SOX5: variants seen among roughly 807,000 people sequenced by gnomAD.
The protein encoded by SOX5 is transcription factor SOX-5.
Under a neutral mutation model 92.0 loss-of-function variants are expected in SOX5, and 9 were observed. The observed-to-expected ratio is 0.10, with a 90% confidence interval of 0.06 to 0.17. SOX5 has a LOEUF of 0.17. Ranked by LOEUF, SOX5 falls within the 10% of genes least tolerant of loss-of-function variation. The pLI, the probability that SOX5 is intolerant of heterozygous loss-of-function variation, is 1.00. For missense variants in SOX5, 642 were observed against 944.5 expected (o/e 0.68, Z 4.20); for synonymous variants, 344 against 336.3 (o/e 1.02, Z -0.25).
intron 2 of SOX5, among the ~76,000 whole-genome samples, chr12:24,287,064 A>G (rs1945959524): frequency 6.6e-6 from 1 of 152,152 alleles, no homozygotes; most frequent in African/African-American, 2.4e-5. Flanking sequence ...AACTGAGACT[A>G]AATTATTCTA....
intron 1 of SOX5, among the ~76,000 whole-genome samples, chr12:24,413,812 A>AT (rs990824447): frequency 1.3e-5 from 2 of 152,038 alleles, no homozygotes; most frequent in East Asian, 1.9e-4. Context: ...TGCGTCAGTG[A>AT]TTTTTTTTCC....
At chr12:23,993,885 AT>A (rs1950784937) in intron 4 of SOX5, among the ~76,000 whole-genome samples, 1 of 151,696 alleles carries the variant, frequency 6.6e-6, no homozygotes. Flanking sequence ...GTATGTATGT[AT>A]GTATGTATGT....
At chr12:24,033,539 T>C (rs1161375962) in intron 4 of SOX5, among the ~76,000 whole-genome samples, 5 of 152,026 alleles carry the variant, frequency 3.3e-5, no homozygotes, top group Non-Finnish European at 5.9e-5. Flanking sequence ...AGTTCCATTT[T>C]GAGGACCAGA....
intron 1 of SOX5, among the ~76,000 whole-genome samples, chr12:24,478,544 A>G (rs756619112): frequency 2.0e-5 from 3 of 152,210 alleles, no homozygotes; most frequent in African/African-American, 4.8e-5. Context: ...CTCAAGCTCC[A>G]TTAATTCTAA....
intron 4 of SOX5, among the ~76,000 whole-genome samples, chr12:24,052,033 A>G (rs1018732263): frequency 5.9e-5 from 9 of 152,098 alleles, no homozygotes; most frequent in African/African-American, 2.2e-4. Context: ...CAATCCTCTT[A>G]GCTCTTCTCT....
chr12:24,386,340 C>G (rs1958411034), intron 1 of SOX5, among the ~76,000 whole-genome samples: 1 of 152,022 alleles, frequency 6.6e-6, no homozygotes, highest in African/African-American at 2.4e-5. Context: ...TTTTATTAAA[C>G]CCTACTAGGT....
intron 1 of SOX5, among the ~76,000 whole-genome samples, chr12:24,543,351 A>G (rs1406719415): frequency 6.6e-6 from 1 of 152,294 alleles, no homozygotes; most frequent in Non-Finnish European, 1.5e-5. Flanking sequence ...TAAGAAGTTA[A>G]GATTAATCAA....
At chr12:24,133,014 G>A (rs904110368) in intron 4 of SOX5, among the ~76,000 whole-genome samples, 4 of 152,096 alleles carry the variant, frequency 2.6e-5, no homozygotes, top group Non-Finnish European at 5.9e-5. Context: ...TATCCTTGGA[G>A]GTAAGATGAT....
intron 1 of SOX5, among the ~76,000 whole-genome samples, chr12:23,938,009 C>T (rs780735845): frequency 1.5e-4 from 23 of 150,536 alleles, no homozygotes; most frequent in South Asian, 8.3e-4. Flanking sequence ...TATTCATATT[C>T]AGCCTAGGTT....
At chr12:24,544,546 G>T (rs1952435356) in intron 1 of SOX5, among the ~76,000 whole-genome samples, 1 of 152,068 alleles carries the variant, frequency 6.6e-6, no homozygotes, top group Non-Finnish European at 1.5e-5. Context: ...GTTAATTGTG[G>T]GGAATTGCTA....
intron 6 of SOX5, among the ~76,000 whole-genome samples, chr12:23,730,137 G>T (rs919656075): frequency 6.6e-6 from 1 of 151,968 alleles, no homozygotes; most frequent in African/African-American, 2.4e-5. Flanking sequence ...TTAGAAACAG[G>T]TTGATTTAAT....
At position 23,532,167 on chromosome 12, in the gene SOX5, G is replaced by A. The variant is rs1419442486; in HGVS notation, c.*2052C>T. 2 of 151,480 alleles carry A rather than the reference G, an allele frequency of 1.3e-5. No individual in the cohort carries two copies. The highest frequency in any genetic ancestry group is 2.9e-5 in the Non-Finnish European group (2 of 67,914). 9.4% of individuals were successfully genotyped at this position (151,480 alleles called of 1,614,324 possible). ...ATTACAACACTAGCAAAAAGAGGCA[G>A]TTCAAATGTAAATAAAGTCATCAAA... On this transcript the variant is annotated 3_prime_UTR_variant, in exon 15 of 15. Transcript: ENST00000451604.
intron 1 of SOX5, among the ~76,000 whole-genome samples, chr12:24,520,233 T>A (rs147915137): frequency 0.016 from 2,499 of 152,124 alleles, 38 homozygotes; most frequent in Non-Finnish European, 0.027. Context: ...CATGAAGGCA[T>A]AAATCTAACA....
chr12:24,242,759 TTAG>T (rs1192231831), intron 3 of SOX5, among the ~76,000 whole-genome samples: 1 of 152,162 alleles, frequency 6.6e-6, no homozygotes, highest in African/African-American at 2.4e-5. Context: ...TCATGTATAG[TTAG>T]CGAGAGTGTA....
chr12:23,710,245 AT>A lies in SOX5; in HGVS notation c.810+24438del, dbSNP rs918230883. Among the ~76,000 whole-genome samples, 27 of 151,466 alleles carry A rather than the reference AT, an allele frequency of 1.8e-4. No homozygotes were observed. In the East Asian group the frequency reaches 4.1e-3, roughly 23 times the overall value. On this transcript the variant is annotated intron_variant, in intron 6 of 14. Coordinates refer to ENST00000451604, the MANE Select transcript of SOX5 (RefSeq NM_006940.6). Reference sequence around the variant, plus strand: ...ATTTTCAGTGCAATATATGATATATATTTTTTTTATTATACTTTAAGTTCTA... The same window carrying A: ...ATTTTCAGTGCAATATATGATATATATTTTTTTATTATACTTTAAGTTCTA...
At chr12:23,716,362 CAT>C (rs370992763) in intron 6 of SOX5, among the ~76,000 whole-genome samples, 120 of 152,248 alleles carry the variant, frequency 7.9e-4, no homozygotes, top group African/African-American at 2.6e-3. Context: ...CTTATAAACA[CAT>C]GTCTTATTTC....
At chr12:23,793,617 A>T (rs1029122878) in intron 3 of SOX5, among the ~76,000 whole-genome samples, 1 of 152,214 alleles carries the variant, frequency 6.6e-6, no homozygotes, top group Non-Finnish European at 1.5e-5. Context: ...GGTAAGCAAG[A>T]TCATGTTGTG....
chr12:23,601,010 G>A (rs1345476263), intron 9 of SOX5, among the ~76,000 whole-genome samples: 3 of 151,922 alleles, frequency 2.0e-5, no homozygotes, highest in East Asian at 1.9e-4. Flanking sequence ...ACTGAACTCC[G>A]CCAGATTTCT....
At chr12:24,016,045 G>T (rs182853292) in intron 4 of SOX5, among the ~76,000 whole-genome samples, 1 of 152,250 alleles carries the variant, frequency 6.6e-6, no homozygotes, top group African/African-American at 2.4e-5. Flanking sequence ...AAAGGCCAAG[G>T]CCAACCAGTC....
Sources: allele counts gnomAD v4.1 joint callset (sites outside exome capture counted in the v4.1 genomes callset), GRCh38; gene constraint gnomAD v4.1.1; transcripts MANE v1.5; gene names NCBI Gene and HGNC (gene_info 2026-07-23, HGNC 2026-07-21).